Variants in GPC6 observed in about 807,000 individuals in gnomAD.
GPC6 encodes the protein glypican-6.
A neutral mutation model predicts 55.2 loss-of-function variants in GPC6; 14 were observed. The observed-to-expected ratio is 0.25, with a 90% CI of 0.17 to 0.40. The LOEUF (loss-of-function observed/expected upper bound fraction) is 0.40, where lower values mean the gene tolerates loss of function less well. Ranked by LOEUF, GPC6 falls within the 10% of genes least tolerant of loss-of-function variation. The probability of loss-of-function intolerance (pLI) is 1.00; values close to 1 mark genes in which losing one functional copy is unlikely to be tolerated. For missense variants in GPC6, 641 were observed against 708.5 expected (o/e 0.90, Z 1.08); for synonymous variants, 278 against 259.6 (o/e 1.07, Z -0.68).
At position 93,774,080 on chromosome 13, in the gene GPC6, A is replaced by G. The variant is rs574429562; in HGVS notation, c.320-56074A>G. Among the ~76,000 whole-genome samples the G allele has an allele frequency of 1.2e-4, 18 of 152,296 alleles. No homozygotes were observed. In the South Asian group the frequency reaches 1.5e-3, roughly 12 times the overall value. Reference sequence around the variant, plus strand: ...GGGCATAGCTGCCATTGTATATGACATGGGGCATGCCAGTTAGAAAAGTCA... The same window carrying G: ...GGGCATAGCTGCCATTGTATATGACGTGGGGCATGCCAGTTAGAAAAGTCA... On this transcript the variant is annotated intron_variant, in intron 2 of 8. Transcript: ENST00000377047.
intron 4 of GPC6, among the ~76,000 whole-genome samples, chr13:94,258,925 C>T (rs1262120218): frequency 6.6e-6 from 1 of 152,122 alleles, no homozygotes; most frequent in Admixed American, 6.5e-5. Context: ...AGAGATGTAA[C>T]AAGGGTGGGG....
At chr13:93,575,246 A>T (rs147545386) in intron 2 of GPC6, among the ~76,000 whole-genome samples, 46 of 152,254 alleles carry the variant, frequency 3.0e-4, no homozygotes, top group African/African-American at 1.1e-3. Context: ...AGCCAAGATT[A>T]TACCACTGCA....
At chr13:93,759,651 A>G (rs1344439448) in intron 2 of GPC6, among the ~76,000 whole-genome samples, 1 of 152,176 alleles carries the variant, frequency 6.6e-6, no homozygotes, top group Admixed American at 6.6e-5. Context: ...TCCTGATTTG[A>G]TGTGAACCTA....
intron 7 of GPC6, among the ~76,000 whole-genome samples, chr13:94,383,631 T>C (rs1392845127): frequency 6.6e-6 from 1 of 152,186 alleles, no homozygotes; most frequent in African/African-American, 2.4e-5. Context: ...GAGAAGAAAC[T>C]GCAGAAGTTA....
intron 6 of GPC6, among the ~76,000 whole-genome samples, chr13:94,351,291 C>A (rs1359766172): frequency 6.6e-6 from 1 of 152,116 alleles, no homozygotes; most frequent in African/African-American, 2.4e-5. Context: ...GACAGAGAAC[C>A]ACGGTGATCC....
rs182370191 is a variant in GPC6, at chr13:94,019,411, A to C, written c.712-8318A>C. ...CTATTTCATAGTTCAGGCGCTTAGA[A>C]GTCTGAAATCAGATTGTCAGAAGCC... On this transcript the variant is annotated intron_variant, in intron 3 of 8. Coordinates refer to ENST00000377047, the MANE Select transcript of GPC6 (RefSeq NM_005708.5). 8.5e-5 allele frequency among the ~76,000 whole-genome samples: 13 copies of C among 152,300 alleles called. No individual in the cohort carries two copies. In the East Asian group the frequency reaches 2.3e-3, roughly 27 times the overall value.
At position 93,319,482 on chromosome 13, in the gene GPC6, T is replaced by C. The variant is rs76256611; in HGVS notation, c.160+91866T>C. Among the ~76,000 whole-genome samples, 530 of 152,288 alleles carry C rather than the reference T, an allele frequency of 3.5e-3. 1 individual carries two copies. Among genetic ancestry groups the C allele is most frequent in the African/African-American group, 0.012 (500 of 41,574 alleles). On this transcript the variant is annotated intron_variant, in intron 1 of 8. Coordinates refer to ENST00000377047, the MANE Select transcript of GPC6 (RefSeq NM_005708.5). ...GCATCCACAAAACAGAATGTGATGC[T>C]ATTACTGTCAGAGCTAATGAAGAAC...
rs1203580898 is a variant in GPC6 at position 93,311,699 on chromosome 13, G to T, written c.160+84083G>T. Among the ~76,000 whole-genome samples the T allele has an allele frequency of 5.9e-5, 9 of 152,274 alleles. No individual in the cohort carries two copies. The East Asian group carries it at 1.2e-3, about 20-fold the overall frequency. ...GTAAACAAATAATGATATAAATAGA[G>T]AAAGATATCTCCTTGACCCCTATGC... On this transcript the variant is annotated intron_variant, in intron 1 of 8. Transcript: ENST00000377047.
At chr13:93,785,426 T>G (rs992245085) in intron 2 of GPC6, among the ~76,000 whole-genome samples, 1 of 152,124 alleles carries the variant, frequency 6.6e-6, no homozygotes, top group Admixed American at 6.5e-5. Flanking sequence ...ATAGCCATGG[T>G]AATGTTTCTG....
chr13:93,459,237 C>T (rs1275545791), intron 1 of GPC6, among the ~76,000 whole-genome samples: 4 of 152,074 alleles, frequency 2.6e-5, no homozygotes, highest in Admixed American at 6.5e-5. Flanking sequence ...TTTATATTTT[C>T]CAATTTTTTG....
At chr13:93,779,205 A>G (rs1288651456) in intron 2 of GPC6, among the ~76,000 whole-genome samples, 1 of 152,192 alleles carries the variant, frequency 6.6e-6, no homozygotes, top group African/African-American at 2.4e-5. Context: ...TATCTTTACA[A>G]GCCTCTCAGA....
chr13:93,806,267 A>C (rs1458426089), intron 2 of GPC6, among the ~76,000 whole-genome samples: 1 of 152,086 alleles, frequency 6.6e-6, no homozygotes, highest in Non-Finnish European at 1.5e-5. Flanking sequence ...TCCATTGTGC[A>C]TTGGCTGGAT....
At chr13:93,691,962 T>C (rs1199287849) in intron 2 of GPC6, among the ~76,000 whole-genome samples, 1 of 152,044 alleles carries the variant, frequency 6.6e-6, no homozygotes, top group East Asian at 1.9e-4. Flanking sequence ...CCCTATCCCA[T>C]TGCTGTAAAG....
intron 4 of GPC6, among the ~76,000 whole-genome samples, chr13:94,248,943 A>G (rs1891275710): frequency 6.6e-6 from 1 of 152,142 alleles, no homozygotes; most frequent in Non-Finnish European, 1.5e-5. Flanking sequence ...CAAATATGTT[A>G]GTTTCAGGGT....
rs929189922 is a variant in GPC6, at chr13:94,023,858, GA to G, written c.712-3862del. The stretch of plus-strand genomic sequence containing the variant: ...ATGGACCTTGAGGGCATTATGCTCA[GA>G]AAAAAAAAGTCAAGCTCAAAAGGTT... On this transcript the variant is annotated intron_variant, in intron 3 of 8. Coordinates refer to ENST00000377047, the MANE Select transcript of GPC6 (RefSeq NM_005708.5). 2.4e-3 allele frequency among the ~76,000 whole-genome samples: 360 copies of G among 150,510 alleles called. 2 individuals carry two copies. Among genetic ancestry groups the G allele is most frequent in the African/African-American group, 8.5e-3 (349 of 41,122 alleles).
At chr13:93,750,154 G>T (rs897020540) in intron 2 of GPC6, among the ~76,000 whole-genome samples, 1 of 152,150 alleles carries the variant, frequency 6.6e-6, no homozygotes, top group African/African-American at 2.4e-5. Context: ...TTAAAATTTG[G>T]TAAGATTTGT....
intron 3 of GPC6, among the ~76,000 whole-genome samples, chr13:93,932,027 T>C (rs1398286098): frequency 6.6e-6 from 1 of 152,210 alleles, no homozygotes; most frequent in Non-Finnish European, 1.5e-5. Context: ...ATAAACATAC[T>C]TCAGATAAAA....
chr13:93,324,233 T>C (rs1280126652), intron 1 of GPC6, among the ~76,000 whole-genome samples: 2 of 151,542 alleles, frequency 1.3e-5, no homozygotes, highest in African/African-American at 4.8e-5. Context: ...ATTTGTGGGG[T>C]CTAAAAATCA....
At chr13:93,673,884 T>A (rs1881474276) in intron 2 of GPC6, among the ~76,000 whole-genome samples, 1 of 152,196 alleles carries the variant, frequency 6.6e-6, no homozygotes, top group Non-Finnish European at 1.5e-5. Flanking sequence ...CATCATGGAC[T>A]GGGCAATACT....
Sources: allele counts gnomAD v4.1 joint callset (sites outside exome capture counted in the v4.1 genomes callset), GRCh38; gene constraint gnomAD v4.1.1; transcripts MANE v1.5; gene names NCBI Gene and HGNC (gene_info 2026-07-23, HGNC 2026-07-21).